Variants in PLEKHA5 observed in about 807,000 individuals in gnomAD.
PLEKHA5 encodes the protein pleckstrin homology domain containing A5, also known as pleckstrin homology domain-containing family A member 5.
In PLEKHA5, 55 loss-of-function variants were observed where a neutral mutation model predicts 181.9. The observed-to-expected ratio is 0.30, with a 90% CI of 0.24 to 0.38. The LOEUF (loss-of-function observed/expected upper bound fraction) is 0.38. PLEKHA5 is among the 10% of genes least tolerant of loss of function. The probability of loss-of-function intolerance (pLI) is 1.00; values close to 1 mark genes in which losing one functional copy is unlikely to be tolerated. For missense variants in PLEKHA5, 1,432 were observed against 1,549.5 expected (o/e 0.92, Z 1.27); for synonymous variants, 535 against 529.4 (o/e 1.01, Z -0.15).
At chr12:19,360,139 C>T (rs1302299857) in intron 28 of PLEKHA5, among the ~76,000 whole-genome samples, 5 of 151,798 alleles carry the variant, frequency 3.3e-5, no homozygotes, top group East Asian at 1.9e-4. Flanking sequence ...TGAGACCAGC[C>T]TGGGCAACAT....
chr12:19,206,529 G>A (rs1423618822), intron 3 of PLEKHA5, among the ~76,000 whole-genome samples: 1 of 152,034 alleles, frequency 6.6e-6, no homozygotes, highest in Non-Finnish European at 1.5e-5. Context: ...TGTCAGGTAG[G>A]GAATTTGAGG....
chr12:19,264,111 T>G (rs2069490387), intron 7 of PLEKHA5, among the ~76,000 whole-genome samples: 1 of 152,176 alleles, frequency 6.6e-6, no homozygotes, highest in African/African-American at 2.4e-5. Context: ...AATGGCAATA[T>G]TTATTTAATG....
rs2090154219 is a variant in PLEKHA5 at position 19,319,871 on chromosome 12, T to C, written c.2119-150T>C. Reference sequence around the variant, plus strand: ...GTACACTGAATAATTCCTTACAATATAGTAACATAAATGGAGTCAACTAAC... The same window carrying C: ...GTACACTGAATAATTCCTTACAATACAGTAACATAAATGGAGTCAACTAAC... On this transcript the variant is annotated intron_variant, in intron 16 of 31. Coordinates refer to ENST00000429027, the MANE Select transcript of PLEKHA5 (RefSeq NM_001256470.2). 4 of 498,956 alleles carry C rather than the reference T, an allele frequency of 8.0e-6. No homozygotes were observed. The Admixed American group carries it at 1.6e-4, about 20-fold the overall frequency. The allele number at this position is 498,956 out of a possible 1,614,324, so 30.9% of individuals were successfully genotyped here.
intron 29 of PLEKHA5, 37 bp from the exon 30 acceptor site, chr12:19,365,927 A>C (rs2095411895): frequency 2.0e-6 from 3 of 1,500,494 alleles, no homozygotes; most frequent in South Asian, 2.5e-5. Context: ...TGTATTCTAT[A>C]GTGACAAATT....
chr12:19,347,539 C>A lies in PLEKHA5; in HGVS notation c.2898+357C>A, dbSNP rs76522708. On this transcript the variant is annotated intron_variant, in intron 24 of 31. Coordinates refer to ENST00000429027, the MANE Select transcript of PLEKHA5 (RefSeq NM_001256470.2). Reference sequence around the variant, plus strand: ...CAGAAAGAAGGGAGAAAGAAAAAGACCGTTACTAGGGATGGTAAAGGGGCT... The same window carrying A: ...CAGAAAGAAGGGAGAAAGAAAAAGAACGTTACTAGGGATGGTAAAGGGGCT... 8.6e-5 allele frequency among the ~76,000 whole-genome samples: 13 copies of A among 152,038 alleles called. No individual in the cohort carries two copies. The East Asian group carries it at 2.3e-3, about 27-fold the overall frequency.
At chr12:19,133,090 ATTGT>A (rs1276316904) in intron 3 of PLEKHA5, among the ~76,000 whole-genome samples, 1 of 151,940 alleles carries the variant, frequency 6.6e-6, no homozygotes, top group Non-Finnish European at 1.5e-5. Flanking sequence ...ATATTGGAGC[ATTGT>A]TTGTATTTTT....
intron 3 of PLEKHA5, among the ~76,000 whole-genome samples, chr12:19,140,320 G>A (rs1263121693): frequency 1.3e-5 from 2 of 152,112 alleles, no homozygotes; most frequent in Non-Finnish European, 2.9e-5. Context: ...CTGTACTATC[G>A]TGATTAGTAT....
intron 3 of PLEKHA5, among the ~76,000 whole-genome samples, chr12:19,226,657 T>G (rs746339920): frequency 6.6e-6 from 1 of 152,204 alleles, no homozygotes; most frequent in Non-Finnish European, 1.5e-5. Context: ...TAGCATATAT[T>G]GTTATGAAAT....
intron 15 of PLEKHA5, among the ~76,000 whole-genome samples, chr12:19,297,466 C>CA (rs1424804386): frequency 6.7e-6 from 1 of 149,166 alleles, no homozygotes; most frequent in African/African-American, 2.5e-5. Flanking sequence ...ACTAAAAATA[C>CA]AAAAAATTAG....
intron 3 of PLEKHA5, among the ~76,000 whole-genome samples, chr12:19,248,497 T>G (rs992577181): frequency 2.0e-5 from 3 of 152,120 alleles, no homozygotes; most frequent in African/African-American, 7.2e-5. Context: ...TATTTTTTAA[T>G]GTACCTTTTC....
At chr12:19,172,977 T>A (rs1305890843) in intron 3 of PLEKHA5, among the ~76,000 whole-genome samples, 1 of 121,690 alleles carries the variant, frequency 8.2e-6, no homozygotes, top group Non-Finnish European at 1.9e-5. Context: ...TTTTTTTTTT[T>A]AAAGAAAATT....
chr12:19,220,113 T>TCCCCA (rs1169522498), intron 3 of PLEKHA5, among the ~76,000 whole-genome samples: 6 of 119,178 alleles, frequency 5.0e-5, no homozygotes, highest in Admixed American at 3.7e-4. Flanking sequence ...ACTGCTCCCA[T>TCCCCA]CCCCACCCCA....
intron 21 of PLEKHA5, among the ~76,000 whole-genome samples, chr12:19,342,358 T>A (rs144786884): frequency 6.6e-6 from 1 of 152,152 alleles, no homozygotes; most frequent in East Asian, 1.9e-4. Context: ...ATGTGGAATT[T>A]TAGAAGTAAG....
At chr12:19,297,253 A>T (rs2080058661) in intron 15 of PLEKHA5, among the ~76,000 whole-genome samples, 1 of 152,144 alleles carries the variant, frequency 6.6e-6, no homozygotes, top group African/African-American at 2.4e-5. Context: ...AGATAGCTAA[A>T]GGACGTTATC....
At chr12:19,337,051 G>A (rs528425910) in intron 21 of PLEKHA5, among the ~76,000 whole-genome samples, 1 of 142,082 alleles carries the variant, frequency 7.0e-6, no homozygotes, top group Non-Finnish European at 1.5e-5. Flanking sequence ...GCAATGGCGC[G>A]ATCTTGGCTC....
intron 21 of PLEKHA5, among the ~76,000 whole-genome samples, chr12:19,340,945 T>TAAAA (rs58915493): frequency 1.1e-3 from 64 of 60,292 alleles, no homozygotes; most frequent in Non-Finnish European, 2.3e-3. Context: ...GAATGATCAA[T>TAAAA]AAAAAAAAAA....
rs1039930643 is a variant in PLEKHA5, at chr12:19,270,015, A to G, written c.827+130A>G. 47 of 643,330 alleles carry G rather than the reference A, an allele frequency of 7.3e-5. No homozygotes were observed. In the Admixed American group the frequency reaches 1.0e-3, roughly 14 times the overall value. The allele number at this position is 643,330 out of a possible 1,614,324, so 39.9% of individuals were successfully genotyped here. ...TGAAATCATTTTTTCCTCAGAAAGC[A>G]AGGATCAATTCCTGTTCTGAATTAA... On this transcript the variant is annotated intron_variant, in intron 9 of 31. Coordinates refer to ENST00000429027, the MANE Select transcript of PLEKHA5 (RefSeq NM_001256470.2).
chr12:19,146,549 A>G (rs531664080), intron 3 of PLEKHA5, among the ~76,000 whole-genome samples: 2 of 152,356 alleles, frequency 1.3e-5, no homozygotes, highest in South Asian at 4.1e-4. Context: ...TTTAAAAAGT[A>G]TATACATGTA....
At position 19,345,902 on chromosome 12, in the gene PLEKHA5, G is replaced by GT; in HGVS notation, c.2709+19dup. On this transcript the variant is annotated intron_variant, in intron 23 of 31. Coordinates refer to ENST00000429027, the MANE Select transcript of PLEKHA5 (RefSeq NM_001256470.2). ...TACAAAAATGAGGTAAGTTTGGATT[G>GT]TTTTTCTAATTATAAATTACTTTTA... The GT allele has an allele frequency of 7.5e-7, 1 of 1,338,002 alleles. No homozygotes were observed. Among genetic ancestry groups the GT allele is most frequent in the Non-Finnish European group, 1.1e-6 (1 of 938,958 alleles). 82.9% of individuals were successfully genotyped at this position (1,338,002 alleles called of 1,614,324 possible).
Sources: allele counts gnomAD v4.1 joint callset (sites outside exome capture counted in the v4.1 genomes callset), GRCh38; gene constraint gnomAD v4.1.1; transcripts MANE v1.5; gene names NCBI Gene and HGNC (gene_info 2026-07-23, HGNC 2026-07-21).